NCK1: variants seen among roughly 807,000 people sequenced by gnomAD.
The protein encoded by NCK1 is SH2/SH3 adapter protein NCK1.
Under a neutral mutation model 36.6 loss-of-function variants are expected in NCK1, and 19 were observed. The observed-to-expected ratio is 0.52, with a 90% CI of 0.36 to 0.76. The LOEUF (loss-of-function observed/expected upper bound fraction) is 0.76. Among genes scored for constraint, NCK1 ranks in the 30% least tolerant of loss-of-function variants. NCK1 has a pLI of 0.00. For missense variants in NCK1, 358 were observed against 445.6 expected, an observed-to-expected ratio of 0.80 and a Z score of 1.77; for synonymous variants, 165 against 156.0, an observed-to-expected ratio of 1.06 and a Z score of -0.43.
intron 1 of NCK1, among the ~76,000 whole-genome samples, chr3:136,876,082 G>A (rs1337313858): frequency 7.9e-5 from 12 of 151,006 alleles, no homozygotes; most frequent in African/African-American, 1.2e-4. Context: ...GAAGGCAGAA[G>A]TAAAGATGTT....
chr3:136,905,342 T>C (rs1416271681), intron 1 of NCK1, among the ~76,000 whole-genome samples: 1 of 152,180 alleles, frequency 6.6e-6, no homozygotes, highest in African/African-American at 2.4e-5. Flanking sequence ...TCCTTTGTGA[T>C]ATCTAGTTCC....
chr3:136,929,957 A>C (rs1213279894), intron 2 of NCK1, among the ~76,000 whole-genome samples: 1 of 152,190 alleles, frequency 6.6e-6, no homozygotes, highest in East Asian at 1.9e-4. Flanking sequence ...TCAAGATTTT[A>C]TCTCTATTTA....
intron 1 of NCK1, among the ~76,000 whole-genome samples, chr3:136,868,159 G>A (rs974209760): frequency 5.9e-5 from 9 of 151,896 alleles, no homozygotes; most frequent in Admixed American, 2.0e-4. Context: ...CAGGTGATCC[G>A]CTCACCTTGG....
At chr3:136,904,978 TC>T (rs1939644194) in intron 1 of NCK1, among the ~76,000 whole-genome samples, 1 of 151,772 alleles carries the variant, frequency 6.6e-6, no homozygotes, top group Non-Finnish European at 1.5e-5. Flanking sequence ...AGTGAAATCT[TC>T]AGTTCTGGAA....
At position 136,944,111 on chromosome 3, in the gene NCK1, CCTTTTT is replaced by C. The variant is rs1312578649; in HGVS notation, c.227-1471_227-1466del. On this transcript the variant is annotated intron_variant, in intron 2 of 3. Coordinates refer to ENST00000481752, the MANE Select transcript of NCK1 (RefSeq NM_001291999.2). The stretch of plus-strand genomic sequence containing the variant: ...AAAGTCGAGGGAAAAGGAAAAACAA[CCTTTTT>C]TTTTTTTTTTTTTTTTTTTTGAGAC... Among the ~76,000 whole-genome samples the C allele has an allele frequency of 4.3e-3, 347 of 80,918 alleles. 19 individuals carry two copies. Among genetic ancestry groups the C allele is most frequent in the East Asian group, 0.013 (42 of 3,326 alleles). The allele number at this position is 80,918 out of a possible 152,430, so 53.1% of individuals were successfully genotyped here.
chr3:136,865,084 A>G (rs975258675), intron 1 of NCK1, among the ~76,000 whole-genome samples: 1 of 151,584 alleles, frequency 6.6e-6, no homozygotes, highest in African/African-American at 2.4e-5. Context: ...CAGCCTCCCC[A>G]GTAGCTGGGA....
intron 1 of NCK1, among the ~76,000 whole-genome samples, chr3:136,890,277 C>G (rs1939204536): frequency 6.6e-6 from 1 of 152,168 alleles, no homozygotes. Context: ...GCAGGGCCGG[C>G]CGGCTGCTCT....
chr3:136,867,188 CTT>C (rs1160573371), intron 1 of NCK1, among the ~76,000 whole-genome samples: 1 of 62,304 alleles, frequency 1.6e-5, no homozygotes. Flanking sequence ...TTCTTTCTTT[CTT>C]TTCTTTCTTT....
chr3:136,951,204 C>T lies in NCK1; in HGVS notation c.*2751C>T, dbSNP rs909775382. 2.5e-4 allele frequency among the ~76,000 whole-genome samples: 38 copies of T among 152,124 alleles called. 1 individual carries two copies. Among genetic ancestry groups the T allele is most frequent in the Non-Finnish European group, 1.5e-5 (1 of 68,024 alleles). On this transcript the variant is annotated 3_prime_UTR_variant, in exon 4 of 4. Coordinates refer to ENST00000481752, the MANE Select transcript of NCK1 (RefSeq NM_001291999.2). ...AGCTGTAATGTCCTACCATATAATC[C>T]AGAGGTTGCATAGAAGCAGAGTTGT...
At chr3:136,900,131 G>A in intron 1 of NCK1, 1 of 347,412 alleles carries the variant, frequency 2.9e-6, no homozygotes, top group South Asian at 3.2e-5. Context: ...GGCTGTAGTG[G>A]TGGTTTCAGT....
At chr3:136,898,723 G>A (rs1303875557) in intron 1 of NCK1, among the ~76,000 whole-genome samples, 5 of 152,124 alleles carry the variant, frequency 3.3e-5, no homozygotes, top group Non-Finnish European at 5.9e-5. Flanking sequence ...AAAACTGAAC[G>A]GTTAACGTTA....
intron 1 of NCK1, among the ~76,000 whole-genome samples, chr3:136,867,259 C>CTCTCTCTCTT (rs1938477383): frequency 6.7e-6 from 1 of 148,408 alleles, no homozygotes; most frequent in South Asian, 2.2e-4. Flanking sequence ...GTCTGTCTCT[C>CTCTCTCTCTT]TCTCTCTTTC....
chr3:136,870,975 G>T (rs1938599859), intron 1 of NCK1, among the ~76,000 whole-genome samples: 1 of 152,122 alleles, frequency 6.6e-6, no homozygotes, highest in Non-Finnish European at 1.5e-5. Context: ...TTATTTCCAG[G>T]TGTGTGTATG....
intron 1 of NCK1, among the ~76,000 whole-genome samples, chr3:136,883,020 G>A (rs1216115362): frequency 6.6e-6 from 1 of 152,192 alleles, no homozygotes; most frequent in Non-Finnish European, 1.5e-5. Context: ...CTGGGTTCAA[G>A]CAATTCTTGT....
At chr3:136,926,911 A>G (rs905926723) in intron 1 of NCK1, among the ~76,000 whole-genome samples, 10 of 152,328 alleles carry the variant, frequency 6.6e-5, no homozygotes, top group Non-Finnish European at 2.9e-5. Context: ...GTATATGTCT[A>G]TTAAATCAGA....
chr3:136,899,978 G>T (rs547673432), intron 1 of NCK1: 4 of 712,014 alleles, frequency 5.6e-6, no homozygotes, highest in Admixed American at 4.2e-5. Flanking sequence ...TGGATTGCTT[G>T]TTTAAAGGTA....
intron 1 of NCK1, among the ~76,000 whole-genome samples, chr3:136,887,618 C>T (rs1939107651): frequency 6.6e-6 from 1 of 152,158 alleles, no homozygotes; most frequent in South Asian, 2.1e-4. Flanking sequence ...CTGGAACAGA[C>T]ATAACTTCTT....
At chr3:136,880,963 G>A (rs902026055) in intron 1 of NCK1, among the ~76,000 whole-genome samples, 7 of 152,024 alleles carry the variant, frequency 4.6e-5, no homozygotes, top group East Asian at 1.9e-4. Context: ...TGCTTTCTGC[G>A]CTCTACCCTA....
intron 1 of NCK1, among the ~76,000 whole-genome samples, chr3:136,888,343 T>C (rs1939129567): frequency 6.6e-6 from 1 of 152,226 alleles, no homozygotes; most frequent in Non-Finnish European, 1.5e-5. Flanking sequence ...AGTTCACTCA[T>C]TAAAAGTATA....
Sources: allele counts gnomAD v4.1 joint callset (sites outside exome capture counted in the v4.1 genomes callset), GRCh38; gene constraint gnomAD v4.1.1; transcripts MANE v1.5; gene names NCBI Gene and HGNC (gene_info 2026-07-23, HGNC 2026-07-21).